Variants in WWP1 observed in about 807,000 individuals in gnomAD.
WWP1 encodes the protein NEDD4-like E3 ubiquitin-protein ligase WWP1.
WWP1 carries 49 observed loss-of-function variants against 130.6 expected under a neutral mutation model. The observed-to-expected ratio is 0.38, with a 90% CI of 0.30 to 0.48. WWP1 has a LOEUF of 0.48. WWP1 is among the 20% of genes least tolerant of loss of function. The pLI is 0.99. For missense variants in WWP1, 809 were observed against 1,100.6 expected, an observed-to-expected ratio of 0.74 and a Z score of 3.75; for synonymous variants, 332 against 367.8, an observed-to-expected ratio of 0.90 and a Z score of 1.11.
chr8:86,362,023 T>A (rs1302058430), intron 1 of WWP1, among the ~76,000 whole-genome samples: 8 of 116,172 alleles, frequency 6.9e-5, no homozygotes, highest in Non-Finnish European at 1.4e-4. Flanking sequence ...TATATACACA[T>A]ATATATACAC....
intron 8 of WWP1, among the ~76,000 whole-genome samples, chr8:86,409,099 A>G (rs1441490348): frequency 6.6e-6 from 1 of 151,826 alleles, no homozygotes; most frequent in Non-Finnish European, 1.5e-5. Flanking sequence ...GTTTTACCAT[A>G]TTCTTTCCAA....
At chr8:86,397,234 A>C (rs1807728833) in intron 5 of WWP1, among the ~76,000 whole-genome samples, 1 of 152,206 alleles carries the variant, frequency 6.6e-6, no homozygotes, top group Admixed American at 6.5e-5. Flanking sequence ...AAACTGCAGA[A>C]AGCCACTGAA....
Position 86,431,431 on chromosome 8 carries a change from G to A in WWP1, c.1413G>A (p.Arg471=), listed in dbSNP as rs765679738. ...AAAAAAGAGTGGATTCAACAGACAG[G>A]GTTTACTTTGTGAATCATAACACAA... ...GWEKRVDSTD[R]VYFVNHNTKT... The change falls in exon 13 of 25, where the codon AGG becomes AGA. Residue 471 remains arginine, a synonymous_variant. Coordinates refer to ENST00000517970, the MANE Select transcript of WWP1 (RefSeq NM_007013.4). The A allele has an allele frequency of 1.9e-6, 3 of 1,607,242 alleles. No homozygotes were observed. In the East Asian group the frequency reaches 6.7e-5, roughly 36 times the overall value.
intron 2 of WWP1, among the ~76,000 whole-genome samples, chr8:86,370,480 T>C (rs1338543881): frequency 6.6e-6 from 1 of 152,180 alleles, no homozygotes; most frequent in Non-Finnish European, 1.5e-5. Flanking sequence ...ACTGACAGCT[T>C]GTTATTTGTT....
intron 21 of WWP1, among the ~76,000 whole-genome samples, chr8:86,454,079 A>G (rs10095129): frequency 0.68 from 103,829 of 151,916 alleles, 37,022 homozygotes; most frequent in African/African-American, 0.89. Context: ...GTCATCTCTC[A>G]GTATCTGTGG....
chr8:86,370,485 T>C (rs1320215272), intron 2 of WWP1, among the ~76,000 whole-genome samples: 1 of 152,206 alleles, frequency 6.6e-6, no homozygotes, highest in African/African-American at 2.4e-5. Context: ...CAGCTTGTTA[T>C]TTGTTGGCTG....
intron 9 of WWP1, among the ~76,000 whole-genome samples, chr8:86,423,302 G>A (rs1419373103): frequency 1.3e-5 from 2 of 152,038 alleles, no homozygotes; most frequent in African/African-American, 2.4e-5. Flanking sequence ...CAGGACAATA[G>A]TGGAGGGAAG....
At chr8:86,401,549 TAAA>T (rs11329718) in intron 7 of WWP1, among the ~76,000 whole-genome samples, 19 of 143,740 alleles carry the variant, frequency 1.3e-4, no homozygotes, top group Admixed American at 1.4e-4. Context: ...ATCCTGTCTC[TAAA>T]AAAAAAAAAA....
At chr8:86,381,659 T>G (rs754659044) in intron 5 of WWP1, 30 bp downstream of exon 5, 2 of 1,546,038 alleles carry the variant, frequency 1.3e-6, no homozygotes, top group Non-Finnish European at 1.7e-6. Context: ...CTTTATTTCC[T>G]TATAAGTTTA....
chr8:86,424,064 C>T (rs1272025106), intron 9 of WWP1, among the ~76,000 whole-genome samples: 16 of 150,376 alleles, frequency 1.1e-4, no homozygotes, highest in Non-Finnish European at 1.9e-4. Context: ...GGCTGCCGGG[C>T]GGAGGGGCTC....
chr8:86,407,119 G>A (rs192117307), intron 8 of WWP1, among the ~76,000 whole-genome samples: 37 of 152,286 alleles, frequency 2.4e-4, no homozygotes, highest in Admixed American at 1.6e-3. Flanking sequence ...GTGGTCTTAT[G>A]TCTTGTGGAG....
chr8:86,406,516 G>T (rs1417147733), intron 8 of WWP1, among the ~76,000 whole-genome samples: 1 of 152,126 alleles, frequency 6.6e-6, no homozygotes, highest in African/African-American at 2.4e-5. Flanking sequence ...AAGTTGCAAA[G>T]AAATGTATGG....
At chr8:86,447,013 G>C (rs1336417814) in intron 18 of WWP1, among the ~76,000 whole-genome samples, 1 of 152,196 alleles carries the variant, frequency 6.6e-6, no homozygotes, top group Non-Finnish European at 1.5e-5. Context: ...AGAAGTATTT[G>C]AGGAAAGAAG....
At chr8:86,367,441 T>G (rs189482758) in intron 1 of WWP1, among the ~76,000 whole-genome samples, 1 of 152,310 alleles carries the variant, frequency 6.6e-6, no homozygotes, top group Non-Finnish European at 1.5e-5. Context: ...GAGAAAGACA[T>G]TTTGAAGTAA....
In WWP1 at chr8:86,381,532, A is replaced by C. The variant is rs1426146327; in HGVS notation, c.237A>C (p.Glu79Asp). 4 of 1,609,046 alleles carry C rather than the reference A, an allele frequency of 2.5e-6. No individual in the cohort carries two copies. The highest frequency in any genetic ancestry group is 3.4e-6 in the Non-Finnish European group (4 of 1,178,932). The change falls in exon 5 of 25, where the codon GAA becomes GAC. Residue 79 changes from glutamate to aspartate, a missense_variant. This residue lies in a region of WWP1 where 262 missense variants were observed against 346.0 expected (regional missense o/e 0.76). Transcript: ENST00000517970. Reference sequence around the variant, plus strand: ...ATGTTACGCCACAGACTACATTGGAATTTCAAGTTTGGAGCCATCGCACTT... The same window carrying C: ...ATGTTACGCCACAGACTACATTGGACTTTCAAGTTTGGAGCCATCGCACTT... ...TVNVTPQTTLEFQVWSHRTLK... is the reference protein window; with the variant it reads ...TVNVTPQTTLDFQVWSHRTLK...
At chr8:86,456,851 G>A (rs1238215457) in intron 21 of WWP1, among the ~76,000 whole-genome samples, 1 of 151,898 alleles carries the variant, frequency 6.6e-6, no homozygotes, top group Non-Finnish European at 1.5e-5. Context: ...GAGGATGTGT[G>A]TATATGTGTA....
chr8:86,433,710 G>A (rs1174462505), intron 14 of WWP1, among the ~76,000 whole-genome samples: 1 of 152,146 alleles, frequency 6.6e-6, no homozygotes, highest in Non-Finnish European at 1.5e-5. Context: ...TTGGGAGGCC[G>A]AGGCGGGCAG....
At chr8:86,365,195 G>C (rs1053708948) in intron 1 of WWP1, among the ~76,000 whole-genome samples, 3 of 152,160 alleles carry the variant, frequency 2.0e-5, no homozygotes, top group Non-Finnish European at 4.4e-5. Context: ...ATAACGAATA[G>C]TAAGAATTGG....
At chr8:86,408,803 G>T (rs1295212116) in intron 8 of WWP1, among the ~76,000 whole-genome samples, 1 of 152,046 alleles carries the variant, frequency 6.6e-6, no homozygotes, top group African/African-American at 2.4e-5. Context: ...CCTGCTACTT[G>T]GGAGGCTGGG....
Sources: allele counts gnomAD v4.1 joint callset (sites outside exome capture counted in the v4.1 genomes callset), GRCh38; gene constraint gnomAD v4.1.1; regional missense constraint gnomAD v4.1.1; transcripts MANE v1.5; gene names NCBI Gene and HGNC (gene_info 2026-07-23, HGNC 2026-07-21).